Variants in TSNAX observed in about 807,000 individuals in gnomAD.
TSNAX encodes translin associated factor X.
In TSNAX, 12 loss-of-function variants were observed where a neutral mutation model predicts 33.0. The observed-to-expected ratio is 0.36, with a 90% CI of 0.23 to 0.59. TSNAX has a LOEUF of 0.59. TSNAX is among the 20% of genes least tolerant of loss of function. The pLI is 0.74. For synonymous variants in TSNAX, 110 were observed against 117.2 expected (o/e 0.94, Z 0.40); for missense variants, 267 against 341.3 (o/e 0.78, Z 1.72).
intron 5 of TSNAX, among the ~76,000 whole-genome samples, chr1:231,564,079 G>T (rs926515079): frequency 1.3e-5 from 2 of 152,130 alleles, no homozygotes; most frequent in African/African-American, 4.8e-5. Context: ...TTGTGATGGT[G>T]AGTGCTGAAT....
chr1:231,564,949 G>C lies in TSNAX; in HGVS notation c.*44G>C. On this transcript the variant is annotated 3_prime_UTR_variant, in exon 6 of 6. Transcript: ENST00000366639. The stretch of plus-strand genomic sequence containing the variant: ...TACTAATTCTTTTGAGAACTCCTAA[G>C]AGACCAATTTGTAAGACTTATTTAG... 1.3e-6 allele frequency: 2 copies of C among 1,569,288 alleles called. No homozygotes were observed. Among genetic ancestry groups the C allele is most frequent in the Non-Finnish European group, 1.7e-6 (2 of 1,159,518 alleles).
chr1:231,547,688 G>GC (rs1368350658), intron 4 of TSNAX, among the ~76,000 whole-genome samples: 1 of 151,884 alleles, frequency 6.6e-6, no homozygotes, highest in African/African-American at 2.4e-5. Context: ...ACCGTGCCCA[G>GC]CCAATTTGCT....
intron 2 of TSNAX, chr1:231,535,562 T>G (rs1036007767): frequency 1.3e-5 from 2 of 152,216 alleles, no homozygotes; most frequent in Admixed American, 1.3e-4. Flanking sequence ...GTAAAATTCT[T>G]TGAGTCTCAA....
At chr1:231,537,623 C>G (rs1228641930) in intron 3 of TSNAX, among the ~76,000 whole-genome samples, 1 of 151,828 alleles carries the variant, frequency 6.6e-6, no homozygotes, top group Non-Finnish European at 1.5e-5. Flanking sequence ...TGCCTATCAT[C>G]CCGGCTACTT....
At chr1:231,560,420 T>TCCCCC (rs1661021036) in intron 4 of TSNAX, among the ~76,000 whole-genome samples, 2 of 38,172 alleles carry the variant, frequency 5.2e-5, no homozygotes, top group African/African-American at 1.1e-4. Context: ...CCCCCCCCCT[T>TCCCCC]TTTTTTTTTT....
chr1:231,560,852 GTTT>G (rs1661064539), intron 4 of TSNAX, among the ~76,000 whole-genome samples: 1 of 152,064 alleles, frequency 6.6e-6, no homozygotes, highest in Admixed American at 6.6e-5. Flanking sequence ...TAGAGTTGGG[GTTT>G]TACTGTGTTG....
At chr1:231,533,470 C>G (rs112559949) in intron 2 of TSNAX, among the ~76,000 whole-genome samples, 29 of 152,294 alleles carry the variant, frequency 1.9e-4, no homozygotes, top group African/African-American at 6.7e-4. Flanking sequence ...TTGTTCAACT[C>G]AAACCCAGGA....
At chr1:231,538,117 G>A (rs939555609) in intron 3 of TSNAX, among the ~76,000 whole-genome samples, 14 of 151,680 alleles carry the variant, frequency 9.2e-5, no homozygotes, top group Non-Finnish European at 1.3e-4. Context: ...ATTCTTTTTC[G>A]AAAGTTCCTG....
At chr1:231,547,392 T>TC (rs1480645251) in intron 4 of TSNAX, among the ~76,000 whole-genome samples, 5 of 140,286 alleles carry the variant, frequency 3.6e-5, no homozygotes, top group Non-Finnish European at 6.2e-5. Flanking sequence ...TTTTTTTCTT[T>TC]TTTTTTTTTT....
chr1:231,550,009 A>G (rs1445138834), intron 4 of TSNAX, among the ~76,000 whole-genome samples: 1 of 152,174 alleles, frequency 6.6e-6, no homozygotes, highest in Admixed American at 6.5e-5. Context: ...GGGTCTTCAC[A>G]TGGCCTTGTG....
intron 3 of TSNAX, among the ~76,000 whole-genome samples, chr1:231,539,006 A>C (rs1169950425): frequency 2.0e-5 from 3 of 151,794 alleles, no homozygotes; most frequent in Non-Finnish European, 4.4e-5. Flanking sequence ...CTCACATTTT[A>C]ATTTTTACTT....
chr1:231,541,574 G>T (rs1214798295), intron 3 of TSNAX, among the ~76,000 whole-genome samples: 1 of 144,886 alleles, frequency 6.9e-6, no homozygotes. Context: ...ACTTTAAACA[G>T]TATGATTTAA....
chr1:231,539,157 G>C (rs1463994599), intron 3 of TSNAX, among the ~76,000 whole-genome samples: 1 of 151,998 alleles, frequency 6.6e-6, no homozygotes, highest in African/African-American at 2.4e-5. Context: ...ACATAATAAG[G>C]CTTGTATTAT....
chr1:231,556,036 T>C lies in TSNAX; in HGVS notation c.368-5092T>C, dbSNP rs115029368. On this transcript the variant is annotated intron_variant, in intron 4 of 5. Transcript: ENST00000366639. ...AAAAGCAAAGTACTATTTTTAAAAC[T>C]ACTCCTGCTTCTGAATGAATGTTAT... 6.1e-3 allele frequency among the ~76,000 whole-genome samples: 924 copies of C among 152,332 alleles called. 9 individuals carry two copies. Among genetic ancestry groups the C allele is most frequent in the African/African-American group, 0.021 (878 of 41,574 alleles).
chr1:231,557,377 T>C (rs1274420503), intron 4 of TSNAX, among the ~76,000 whole-genome samples: 1 of 152,120 alleles, frequency 6.6e-6, no homozygotes, highest in Non-Finnish European at 1.5e-5. Context: ...AGAGGGGAAG[T>C]GGCACAAAAT....
intron 4 of TSNAX, among the ~76,000 whole-genome samples, chr1:231,544,253 C>T (rs1659761694): frequency 6.6e-6 from 1 of 152,198 alleles, no homozygotes; most frequent in Non-Finnish European, 1.5e-5. Context: ...AAATCCAATT[C>T]TACAGCTTTT....
intron 2 of TSNAX, among the ~76,000 whole-genome samples, chr1:231,533,781 T>C (rs1212440832): frequency 6.6e-6 from 1 of 152,248 alleles, no homozygotes; most frequent in Non-Finnish European, 1.5e-5. Context: ...AACCATATAT[T>C]CTGAACCATT....
intron 4 of TSNAX, among the ~76,000 whole-genome samples, chr1:231,544,418 C>T (rs1018959892): frequency 8.5e-5 from 13 of 152,292 alleles, no homozygotes; most frequent in African/African-American, 2.6e-4. Context: ...CACAGTAGTT[C>T]TCACTTTGGA....
At chr1:231,564,330 C>T (rs1661295617) in intron 5 of TSNAX, among the ~76,000 whole-genome samples, 198 bp from the exon 6 acceptor site, 1 of 152,162 alleles carries the variant, frequency 6.6e-6, no homozygotes, top group African/African-American at 2.4e-5. Flanking sequence ...ACCCAGGGCA[C>T]ACATTCCTCC....
Sources: gnomAD v4.1 joint callset for allele counts (sites outside exome capture counted in the v4.1 genomes callset) on GRCh38, gnomAD v4.1.1 for gene constraint, MANE v1.5 for transcripts, NCBI Gene and HGNC (gene_info 2026-07-23, HGNC 2026-07-21) for gene names.